The following LYZL1 variants were observed in gnomAD, a reference collection of about 807,000 sequenced individuals.
LYZL1 encodes lysozyme like 1, also known as lysozyme-like protein 1.
Under a neutral mutation model 17.9 loss-of-function variants are expected in LYZL1, and 16 were observed. The ratio of observed to expected loss-of-function variants is 0.90; its 90% CI spans 0.61 to 1.36. The LOEUF is 1.36. Among genes scored for constraint, LYZL1 ranks in the 40% most tolerant of loss-of-function variants. The pLI is 0.00. For missense variants in LYZL1, 149 were observed against 188.4 expected (o/e 0.79, Z 1.22); for synonymous variants, 58 against 71.8 (o/e 0.81, Z 0.97).
At chr10:29,293,735 G>C (rs528472057) in intron 3 of LYZL1, among the ~76,000 whole-genome samples, 5 of 152,096 alleles carry the variant, frequency 3.3e-5, no homozygotes, top group Non-Finnish European at 5.9e-5. Flanking sequence ...CACTTTGGGA[G>C]GCCGAGGCAG....
intron 3 of LYZL1, among the ~76,000 whole-genome samples, chr10:29,299,288 G>A (rs759671649): frequency 3.9e-5 from 6 of 152,090 alleles, no homozygotes; most frequent in East Asian, 3.9e-4. Flanking sequence ...ACTGGTATCC[G>A]TCTGTGGTTA....
chr10:29,299,013 C>T (rs186386818), intron 3 of LYZL1, among the ~76,000 whole-genome samples: 6 of 152,302 alleles, frequency 3.9e-5, no homozygotes, highest in African/African-American at 1.4e-4. Context: ...TGGACAGTCC[C>T]ATCTGGGGAT....
At chr10:29,310,441 A>G (rs1369227616) in intron 4 of LYZL1, among the ~76,000 whole-genome samples, 1 of 152,130 alleles carries the variant, frequency 6.6e-6, no homozygotes, top group Non-Finnish European at 1.5e-5. Flanking sequence ...ATTCCAAACA[A>G]TGGAGAAAGG....
At chr10:29,296,119 C>T (rs1242089367) in intron 3 of LYZL1, among the ~76,000 whole-genome samples, 1 of 152,044 alleles carries the variant, frequency 6.6e-6, no homozygotes, top group Non-Finnish European at 1.5e-5. Flanking sequence ...CAATAGAAAC[C>T]CAATACCCCT....
intron 4 of LYZL1, among the ~76,000 whole-genome samples, chr10:29,317,905 C>T (rs1183544731): frequency 6.6e-6 from 1 of 151,062 alleles, no homozygotes; most frequent in African/African-American, 2.4e-5. Context: ...AATGACAGCA[C>T]CGCACTCCAG....
chr10:29,297,325 G>A (rs2132820742), intron 3 of LYZL1, among the ~76,000 whole-genome samples: 1 of 152,182 alleles, frequency 6.6e-6, no homozygotes, highest in Admixed American at 6.5e-5. Flanking sequence ...ACAATAGATA[G>A]CACACAACCT....
chr10:29,316,311 T>G (rs985648770), intron 3 of LYZL1, among the ~76,000 whole-genome samples: 3 of 152,202 alleles, frequency 2.0e-5, no homozygotes, highest in African/African-American at 7.2e-5. Context: ...ACTGTTCCGA[T>G]TCACAGATTC....
intron 1 of LYZL1, among the ~76,000 whole-genome samples, chr10:29,290,042 C>T (rs1392441943): frequency 1.3e-5 from 2 of 152,178 alleles, no homozygotes; most frequent in Non-Finnish European, 2.9e-5. Flanking sequence ...GCTTAGTCAC[C>T]TTAAAGCCCT....
intron 3 of LYZL1, among the ~76,000 whole-genome samples, chr10:29,300,080 A>C (rs1327566): frequency 0.34 from 52,296 of 151,996 alleles, 9,337 homozygotes; most frequent in African/African-American, 0.45. Context: ...TATTTACAGA[A>C]ACAGGAGGTT....
At chr10:29,302,618 C>A (rs535395208) in intron 3 of LYZL1, among the ~76,000 whole-genome samples, 1 of 152,162 alleles carries the variant, frequency 6.6e-6, no homozygotes, top group Non-Finnish European at 1.5e-5. Flanking sequence ...ATGAGCAAAG[C>A]GTGAGTTTGA....
At chr10:29,297,858 A>T (rs1316792055) in intron 3 of LYZL1, among the ~76,000 whole-genome samples, 2 of 152,246 alleles carry the variant, frequency 1.3e-5, no homozygotes, top group Non-Finnish European at 2.9e-5. Flanking sequence ...TAAAAGTTCC[A>T]TACAAAAAAT....
At chr10:29,313,369 C>G (rs1835694989), downstream of LYZL1, among the ~76,000 whole-genome samples, 1 of 152,168 alleles carries the variant, frequency 6.6e-6, no homozygotes, top group African/African-American at 2.4e-5. Flanking sequence ...GCCTTGCAGC[C>G]CCATTCTTAG....
At chr10:29,312,664 C>T (rs1382136345), downstream of LYZL1, among the ~76,000 whole-genome samples, 3 of 152,140 alleles carry the variant, frequency 2.0e-5, no homozygotes, top group African/African-American at 7.2e-5. Context: ...GCATCTCAGA[C>T]CCCAAAGCGA....
intron 2 of LYZL1, among the ~76,000 whole-genome samples, chr10:29,292,298 G>C (rs1564388613): frequency 1.3e-5 from 2 of 151,504 alleles, no homozygotes; most frequent in Non-Finnish European, 1.5e-5. Flanking sequence ...TGTTGGTCTA[G>C]ATTAGGCTCA....
At chr10:29,313,341 T>C (rs1030365609), downstream of LYZL1, among the ~76,000 whole-genome samples, 1 of 152,248 alleles carries the variant, frequency 6.6e-6, no homozygotes, top group Non-Finnish European at 1.5e-5. Context: ...TTCATTATTA[T>C]TGTCCTGTTA....
At chr10:29,298,380 C>T (rs1835473134) in intron 3 of LYZL1, among the ~76,000 whole-genome samples, 1 of 152,080 alleles carries the variant, frequency 6.6e-6, no homozygotes, top group South Asian at 2.1e-4. Flanking sequence ...TATGTATATG[C>T]CAACCTCAGT....
At chr10:29,291,023 G>A (rs1835356707) in intron 1 of LYZL1, among the ~76,000 whole-genome samples, 2 of 152,060 alleles carry the variant, frequency 1.3e-5, no homozygotes. Flanking sequence ...GCTGAAATGG[G>A]CTGTCTGTTT....
At position 29,291,833 on chromosome 10, in the gene LYZL1, T is replaced by C; in HGVS notation, c.-25-10T>C. On this transcript the variant is annotated splice_polypyrimidine_tract_variant and intron_variant, in intron 1 of 4. Coordinates refer to ENST00000649382, the MANE Select transcript of LYZL1 (RefSeq NM_032517.6). The stretch of plus-strand genomic sequence containing the variant: ...AAGATCGTCTGACCTGTTCTCCGGC[T>C]CTTTGGCAGGTTCTGTCTCCGGCAG... 6.4e-7 allele frequency: 1 copy of C among 1,551,148 alleles called. No individual in the cohort carries two copies. The highest frequency in any genetic ancestry group is 1.2e-5 in the South Asian group (1 of 84,010).
chr10:29,290,281 G>A (rs1612647), intron 1 of LYZL1, among the ~76,000 whole-genome samples: 118,284 of 152,146 alleles, frequency 0.78, 46,039 homozygotes, highest in Admixed American at 0.82. Flanking sequence ...TGTTGTATTT[G>A]GGGAAGACAT....
Sources: gnomAD v4.1 joint callset for allele counts (sites outside exome capture counted in the v4.1 genomes callset) on GRCh38, gnomAD v4.1.1 for gene constraint, MANE v1.5 for transcripts, NCBI Gene and HGNC (gene_info 2026-07-23, HGNC 2026-07-21) for gene names.